Variants in ITPR1 observed in about 807,000 individuals in gnomAD.
ITPR1 encodes inositol 1,4,5-trisphosphate-gated calcium channel ITPR1.
ITPR1 carries 96 observed loss-of-function variants against 318.4 expected under a neutral mutation model. That is an observed-to-expected ratio of 0.30 (90% CI 0.26 to 0.36). ITPR1 has a LOEUF of 0.36. ITPR1 is among the 10% of genes least tolerant of loss of function. ITPR1 has a pLI of 1.00. For synonymous variants in ITPR1, 1,312 were observed against 1,289.9 expected, an observed-to-expected ratio of 1.02 and a Z score of -0.37; for missense variants, 2,440 against 3,460.2, an observed-to-expected ratio of 0.71 and a Z score of 7.40.
chr3:4,830,160 G>A (rs1221241364), intron 60 of ITPR1, among the ~76,000 whole-genome samples: 3 of 151,826 alleles, frequency 2.0e-5, no homozygotes, highest in East Asian at 1.9e-4. Context: ...ATTTTTAGTA[G>A]AGACAGGGTT....
intron 52 of ITPR1, among the ~76,000 whole-genome samples, chr3:4,788,670 A>G (rs1273539238): frequency 1.3e-5 from 2 of 152,254 alleles, no homozygotes; most frequent in African/African-American, 4.8e-5. Flanking sequence ...CCAGCCAGTC[A>G]GGTGGAAATT....
chr3:4,557,432 C>T lies in ITPR1; in HGVS notation c.163+36338C>T, dbSNP rs148019769. On this transcript the variant is annotated intron_variant, in intron 4 of 61. Coordinates refer to ENST00000649015, the MANE Select transcript of ITPR1 (RefSeq NM_001378452.1). ...AGTGGGAGTTATGGGAGCTACAATT[C>T]AAGATGAGATTTGGGTGGGGACACA... 7.9e-3 allele frequency among the ~76,000 whole-genome samples: 1,207 copies of T among 152,284 alleles called. 14 individuals are homozygous for T. Among genetic ancestry groups the T allele is most frequent in the African/African-American group, 0.027 (1,142 of 41,562 alleles).
chr3:4,685,196 C>A lies in ITPR1; in HGVS notation c.3692C>A (p.Pro1231His). The A allele has an allele frequency of 6.2e-7, 1 of 1,602,580 alleles. No individual in the cohort carries two copies. The highest frequency in any genetic ancestry group is 1.1e-5 in the South Asian group (1 of 89,686). ...HAVVLELLQIPYEKAEDTKMQ... is the reference protein window; with the variant it reads ...HAVVLELLQIHYEKAEDTKMQ... ...GTGGTGCTGGAGCTGCTGCAGATTC[C>A]CTATGAGAAGGTGAGCGGTGCCTCA... The change falls in exon 30 of 62, where the codon CCC (proline) becomes CAC (histidine). Residue 1231 changes from proline to histidine, a missense_variant. Around this residue, in one of 23 missense-constraint regions of ITPR1, gnomAD observed 222 missense variants for 318.8 expected, o/e 0.70. Transcript: ENST00000649015.
chr3:4,627,683 T>G (rs2092880877), intron 4 of ITPR1, 80 bp from the exon 5 acceptor site: 4 of 824,616 alleles, frequency 4.9e-6, no homozygotes, highest in Non-Finnish European at 8.4e-6. Context: ...ATTTTTTAAG[T>G]GGAAAGCCTT....
intron 2 of ITPR1, among the ~76,000 whole-genome samples, chr3:4,498,471 A>T (rs1000077126): frequency 1.3e-5 from 2 of 152,184 alleles, no homozygotes; most frequent in African/African-American, 4.8e-5. Flanking sequence ...AGAGGGAGTC[A>T]AGGTCCAGAC....
intron 4 of ITPR1, among the ~76,000 whole-genome samples, chr3:4,618,960 G>C (rs1288036209): frequency 1.3e-5 from 2 of 152,216 alleles, no homozygotes; most frequent in African/African-American, 4.8e-5. Flanking sequence ...TTTTGGTGGA[G>C]TACAACCTCC....
chr3:4,792,172 C>T (rs1034342528), intron 52 of ITPR1, among the ~76,000 whole-genome samples: 21 of 152,264 alleles, frequency 1.4e-4, no homozygotes, highest in African/African-American at 3.8e-4. Flanking sequence ...CTCACCTACA[C>T]GGATACTTGT....
chr3:4,621,337 G>A (rs1213107021), intron 4 of ITPR1, among the ~76,000 whole-genome samples: 1 of 152,060 alleles, frequency 6.6e-6, no homozygotes, highest in East Asian at 1.9e-4. Context: ...AGATCAAGGT[G>A]GGAGGTGCCA....
intron 10 of ITPR1, 118 bp from the exon 11 acceptor site, chr3:4,652,005 G>A (rs975849127): frequency 3.1e-5 from 25 of 795,286 alleles, no homozygotes; most frequent in African/African-American, 3.1e-4. Context: ...TGAAGATGCT[G>A]ATTTTCTTTT....
At chr3:4,591,887 G>A (rs2090427095) in intron 4 of ITPR1, among the ~76,000 whole-genome samples, 2 of 152,156 alleles carry the variant, frequency 1.3e-5, no homozygotes, top group South Asian at 2.1e-4. Flanking sequence ...CAGTTTAACA[G>A]TCAGATCTGA....
intron 4 of ITPR1, among the ~76,000 whole-genome samples, chr3:4,574,337 T>C (rs2088383690): frequency 6.6e-6 from 1 of 152,160 alleles, no homozygotes; most frequent in African/African-American, 2.4e-5. Context: ...CATTTCCTGT[T>C]GTAATGTGAG....
At position 4,607,111 on chromosome 3, in the gene ITPR1, C is replaced by T. The variant is rs146550457; in HGVS notation, c.164-20652C>T. Among the ~76,000 whole-genome samples the T allele has an allele frequency of 3.3e-4, 50 of 152,236 alleles. No homozygotes were observed. In the East Asian group the frequency reaches 7.7e-3, roughly 23 times the overall value. ...TGGGTGAGCTGTTACAGATGTGTCC[C>T]GTCAGCACTTGGGAATCACCCTGAT... is the stretch of plus-strand genomic sequence containing the variant. On this transcript the variant is annotated intron_variant, in intron 4 of 61. Coordinates refer to ENST00000649015, the MANE Select transcript of ITPR1 (RefSeq NM_001378452.1).
At position 4,775,515 on chromosome 3, in the gene ITPR1, GA is replaced by G. The variant is rs1467589082; in HGVS notation, c.6180+76del. 6 of 1,167,500 alleles carry G rather than the reference GA, an allele frequency of 5.1e-6. No individual in the cohort carries two copies. The East Asian group carries it at 1.4e-4, about 27-fold the overall frequency. The allele number at this position is 1,167,500 out of a possible 1,614,324, so 72.3% of individuals were successfully genotyped here. ...GGAAATGTTGATAGAGACTAGTTCA[GA>G]AATCACGAAGCCTGTGCCTGTTGGC... On this transcript the variant is annotated intron_variant, in intron 47 of 61. Coordinates refer to ENST00000649015, the MANE Select transcript of ITPR1 (RefSeq NM_001378452.1).
intron 4 of ITPR1, among the ~76,000 whole-genome samples, chr3:4,535,226 G>A (rs896022797): frequency 2.0e-5 from 3 of 151,950 alleles, no homozygotes; most frequent in Non-Finnish European, 2.9e-5. Flanking sequence ...GTTAGTATTG[G>A]TTTTATTTTC....
chr3:4,831,705 C>G (rs1428036872), intron 60 of ITPR1, among the ~76,000 whole-genome samples: 1 of 152,234 alleles, frequency 6.6e-6, no homozygotes, highest in African/African-American at 2.4e-5. Context: ...AGGCAAGATT[C>G]TGCAAACATT....
At chr3:4,729,206 G>A (rs531149741) in intron 42 of ITPR1, among the ~76,000 whole-genome samples, 11 of 152,140 alleles carry the variant, frequency 7.2e-5, no homozygotes, top group Non-Finnish European at 1.5e-4. Flanking sequence ...CTAGCTGTGT[G>A]ATTTTGAGCA....
At chr3:4,613,217 G>A (rs1332035147) in intron 4 of ITPR1, among the ~76,000 whole-genome samples, 1 of 152,202 alleles carries the variant, frequency 6.6e-6, no homozygotes, top group Non-Finnish European at 1.5e-5. Context: ...GCATTCTTCT[G>A]AGTCCTTTGT....
At chr3:4,552,966 C>T (rs904150546) in intron 4 of ITPR1, among the ~76,000 whole-genome samples, 12 of 152,262 alleles carry the variant, frequency 7.9e-5, no homozygotes, top group South Asian at 4.1e-4. Flanking sequence ...TGCCTAACTC[C>T]GCTGCTAGAT....
At chr3:4,746,571 C>G (rs960805352) in intron 44 of ITPR1, among the ~76,000 whole-genome samples, 1 of 152,196 alleles carries the variant, frequency 6.6e-6, no homozygotes, top group Non-Finnish European at 1.5e-5. Context: ...GCTTCATTTA[C>G]TGTAGTAATG....
Sources: gnomAD v4.1 joint callset for allele counts (sites outside exome capture counted in the v4.1 genomes callset) on GRCh38, gnomAD v4.1.1 for gene constraint, gnomAD v4.1.1 regional missense constraint, MANE v1.5 for transcripts, NCBI Gene and HGNC (gene_info 2026-07-23, HGNC 2026-07-21) for gene names.